Variants in XRCC5 observed in about 807,000 individuals in gnomAD.
XRCC5 encodes DNA repair protein Ku80.
XRCC5 carries 12 observed loss-of-function variants against 95.7 expected under a neutral mutation model. The observed-to-expected ratio is 0.13, with a 90% CI of 0.08 to 0.20. XRCC5 has a LOEUF of 0.20. Among genes scored for constraint, XRCC5 ranks in the 10% least tolerant of loss-of-function variants. The pLI is 1.00. For synonymous variants in XRCC5, 281 were observed against 290.3 expected (o/e 0.97, Z 0.33); for missense variants, 595 against 873.9 (o/e 0.68, Z 4.02).
At position 216,169,840 on chromosome 2, in the gene XRCC5, T is replaced by C. The variant is rs148347746; in HGVS notation, c.1834+7792T>C. Among the ~76,000 whole-genome samples, 612 of 149,676 alleles carry C rather than the reference T, an allele frequency of 4.1e-3. 4 individuals are homozygous for C. Among genetic ancestry groups the C allele is most frequent in the African/African-American group, 0.015 (591 of 40,398 alleles). ...GTGGGCAGATCAGGAGGTCAAGAGATTGAGACCATCCTGGGCAACATGGTG... is the reference window on the plus strand; with the variant it reads ...GTGGGCAGATCAGGAGGTCAAGAGACTGAGACCATCCTGGGCAACATGGTG... On this transcript the variant is annotated intron_variant, in intron 16 of 20. Transcript: ENST00000392132.
chr2:216,139,767 C>T (rs1023245450), intron 12 of XRCC5, among the ~76,000 whole-genome samples: 11 of 152,272 alleles, frequency 7.2e-5, no homozygotes, highest in African/African-American at 2.2e-4. Flanking sequence ...CTCAGCCTCC[C>T]AAACTGTTGG....
chr2:216,124,858 TTC>T (rs1383211553), intron 6 of XRCC5, among the ~76,000 whole-genome samples: 1 of 152,238 alleles, frequency 6.6e-6, no homozygotes, highest in African/African-American at 2.4e-5. Flanking sequence ...TCCTATCATC[TTC>T]CCTGTTGTGT....
intron 1 of XRCC5, 101 bp from the exon 2 acceptor site, chr2:216,112,915 A>G (rs1416350744): frequency 1.1e-6 from 1 of 890,216 alleles, no homozygotes. Context: ...CACCTTTCCT[A>G]AATACTGATA....
At chr2:216,117,407 G>A (rs1696717906) in intron 3 of XRCC5, 1 of 275,026 alleles carries the variant, frequency 3.6e-6, no homozygotes, top group Non-Finnish European at 7.0e-6. Flanking sequence ...ACTTGCAAAT[G>A]CTACATTATG....
intron 16 of XRCC5, chr2:216,175,192 G>T: frequency 2.7e-6 from 1 of 370,762 alleles, no homozygotes; most frequent in Non-Finnish European, 5.3e-6. Flanking sequence ...ACTGCTGTAG[G>T]CAGGCCCACC....
intron 13 of XRCC5, among the ~76,000 whole-genome samples, chr2:216,145,919 C>T (rs1469539809): frequency 6.6e-6 from 1 of 152,184 alleles, no homozygotes; most frequent in Non-Finnish European, 1.5e-5. Context: ...TGTTTGATTA[C>T]TGCTTTACAT....
At chr2:216,122,970 C>G (rs1286596651) in intron 6 of XRCC5, among the ~76,000 whole-genome samples, 1 of 152,252 alleles carries the variant, frequency 6.6e-6, no homozygotes, top group African/African-American at 2.4e-5. Context: ...GCATTTTGAG[C>G]AAAGAACCTA....
chr2:216,136,813 A>T (rs933290506), intron 10 of XRCC5, among the ~76,000 whole-genome samples: 4 of 152,222 alleles, frequency 2.6e-5, no homozygotes, highest in Non-Finnish European at 4.4e-5. Flanking sequence ...AGATTTGTTT[A>T]GGAGGGCTGA....
At chr2:216,196,044 G>A (rs41296761) in intron 19 of XRCC5, among the ~76,000 whole-genome samples, 3,071 of 152,196 alleles carry the variant, frequency 0.02, 108 homozygotes, top group African/African-American at 0.068. Flanking sequence ...AATCTGTTAG[G>A]GAAGTGACAG....
intron 16 of XRCC5, chr2:216,174,866 T>G (rs1559256730): frequency 3.4e-6 from 1 of 293,646 alleles, no homozygotes; most frequent in Non-Finnish European, 6.6e-6. Context: ...TTTCTCCTGC[T>G]AAGAATTGTA....
chr2:216,116,709 T>A lies in XRCC5; in HGVS notation c.186T>A (p.Asp62Glu). ...DEIALVLFGT[D>E]GTDNPLSGGD... ...TTGCTTTAGTCCTGTTTGGTACAGATGGCACTGACAATCCCCTTTCTGGTG... is the reference window on the plus strand; with the variant it reads ...TTGCTTTAGTCCTGTTTGGTACAGAAGGCACTGACAATCCCCTTTCTGGTG... Residue 62 changes from aspartate (D) to glutamate (E), a missense_variant, in exon 3 of 21, where the codon GAT becomes GAA. Physicochemically the swap from Asp to Glu is conservative, Grantham distance 45. Transcript: ENST00000392132. The A allele has an allele frequency of 6.2e-7, 1 of 1,614,224 alleles. No individual in the cohort carries two copies. Among genetic ancestry groups the A allele is most frequent in the South Asian group, 1.1e-5 (1 of 91,086 alleles).
At chr2:216,180,794 G>C (rs186788842) in intron 16 of XRCC5, among the ~76,000 whole-genome samples, 50 of 150,756 alleles carry the variant, frequency 3.3e-4, no homozygotes, top group Non-Finnish European at 3.7e-4. Flanking sequence ...GTTAACTGTT[G>C]TTTTGCCCCT....
At chr2:216,131,971 C>G (rs1251063401) in intron 9 of XRCC5, among the ~76,000 whole-genome samples, 1 of 152,204 alleles carries the variant, frequency 6.6e-6, no homozygotes, top group East Asian at 1.9e-4. Context: ...GAAACCTTCC[C>G]TGATCCCTCA....
At chr2:216,114,588 G>C (rs1343062660) in intron 2 of XRCC5, among the ~76,000 whole-genome samples, 1 of 151,942 alleles carries the variant, frequency 6.6e-6, no homozygotes, top group African/African-American at 2.4e-5. Flanking sequence ...CTGAAGTGAT[G>C]AGCAGGGCAA....
intron 12 of XRCC5, among the ~76,000 whole-genome samples, chr2:216,140,153 C>T (rs1362047970): frequency 1.3e-5 from 2 of 152,210 alleles, no homozygotes; most frequent in Non-Finnish European, 1.5e-5. Flanking sequence ...CTGAAACCTC[C>T]ATGGTTTCAC....
chr2:216,192,839 A>G (rs1027599491), intron 18 of XRCC5, 104 bp downstream of exon 18: 1 of 786,602 alleles, frequency 1.3e-6, no homozygotes. Flanking sequence ...GTATTGTATA[A>G]TGAGTTATGT....
At chr2:216,149,297 GA>G (rs966593775) in intron 14 of XRCC5, among the ~76,000 whole-genome samples, 25 of 149,150 alleles carry the variant, frequency 1.7e-4, no homozygotes, top group African/African-American at 5.9e-4. Context: ...TGTCAGAATT[GA>G]AAAAAAAAAT....
At chr2:216,141,027 C>T (rs1697161939) in intron 12 of XRCC5, among the ~76,000 whole-genome samples, 159 bp from the exon 13 acceptor site, 1 of 152,168 alleles carries the variant, frequency 6.6e-6, no homozygotes. Flanking sequence ...ATAAGAAAAC[C>T]AAGACTTGGG....
At chr2:216,115,641 A>C (rs879261843) in intron 2 of XRCC5, among the ~76,000 whole-genome samples, 1 of 150,680 alleles carries the variant, frequency 6.6e-6, no homozygotes, top group Admixed American at 6.5e-5. Flanking sequence ...TCAATGTAAA[A>C]AGGCTTATGT....
Sources: allele counts gnomAD v4.1 joint callset (sites outside exome capture counted in the v4.1 genomes callset), GRCh38; gene constraint gnomAD v4.1.1; transcripts MANE v1.5; gene names NCBI Gene and HGNC (gene_info 2026-07-23, HGNC 2026-07-21).